Variants in SPATA18 observed in about 807,000 individuals in gnomAD.
SPATA18 encodes mitochondria-eating protein.
SPATA18 carries 54 observed loss-of-function variants against 68.1 expected under a neutral mutation model. The observed-to-expected ratio is 0.79, with a 90% CI of 0.64 to 0.99. SPATA18 has a LOEUF of 0.99. Among genes scored for constraint, SPATA18 ranks in the 50% least tolerant of loss-of-function variants. The probability of loss-of-function intolerance (pLI) is 0.00; values close to 1 mark genes in which losing one functional copy is unlikely to be tolerated. For synonymous variants in SPATA18, 242 were observed against 244.8 expected, an observed-to-expected ratio of 0.99 and a Z score of 0.11; for missense variants, 724 against 681.1, an observed-to-expected ratio of 1.06 and a Z score of -0.70.
chr4:52,069,133 C>T (rs193084190), intron 4 of SPATA18, among the ~76,000 whole-genome samples: 2 of 152,136 alleles, frequency 1.3e-5, no homozygotes, highest in Admixed American at 6.5e-5. Context: ...CTTCCCAAAG[C>T]GTTGGAATTA....
At chr4:52,085,915 C>T (rs961032921) in intron 11 of SPATA18, among the ~76,000 whole-genome samples, 1 of 151,840 alleles carries the variant, frequency 6.6e-6, no homozygotes, top group African/African-American at 2.4e-5. Context: ...CTGTCTTAAA[C>T]AAAAGAAAAC....
At chr4:52,058,590 C>G (rs1355850632) in intron 1 of SPATA18, among the ~76,000 whole-genome samples, 1 of 152,010 alleles carries the variant, frequency 6.6e-6, no homozygotes, top group Admixed American at 6.6e-5. Context: ...GTTCCCACTG[C>G]CTGGTAAGCT....
intron 1 of SPATA18, among the ~76,000 whole-genome samples, chr4:52,059,891 G>T (rs937342024): frequency 6.6e-6 from 1 of 152,152 alleles, no homozygotes; most frequent in Non-Finnish European, 1.5e-5. Context: ...CTTATAACAG[G>T]TCTATTTACT....
At chr4:52,060,736 C>A (rs1165402717) in intron 2 of SPATA18, 46 bp from the exon 3 acceptor site, 2 of 1,488,748 alleles carry the variant, frequency 1.3e-6, no homozygotes, top group Non-Finnish European at 9.4e-7. Flanking sequence ...TATACATGTG[C>A]CATGTTGGTG....
At position 52,083,559 on chromosome 4, in the gene SPATA18, A is replaced by G. The variant is rs568265965; in HGVS notation, c.1479+1049A>G. The G allele has an allele frequency of 1.4e-5, 11 of 780,764 alleles. No individual in the cohort carries two copies. In the African/African-American group the frequency reaches 2.1e-4, roughly 15 times the overall value. 48.4% of individuals were successfully genotyped at this position (780,764 alleles called of 1,614,324 possible). On this transcript the variant is annotated intron_variant, in intron 10 of 12. Coordinates refer to ENST00000295213, the MANE Select transcript of SPATA18 (RefSeq NM_145263.4). ...GAGGAGTTTGAGATGAGCCTGGGCA[A>G]CATAGCGAGACCTCATCTCTACAAA... is the stretch of plus-strand genomic sequence containing the variant.
At chr4:52,088,678 G>T (rs559198120) in intron 11 of SPATA18, among the ~76,000 whole-genome samples, 152 of 152,232 alleles carry the variant, frequency 1.0e-3, no homozygotes, top group African/African-American at 3.4e-3. Context: ...GCTGGATTCA[G>T]TTTGCCAGTA....
intron 5 of SPATA18, among the ~76,000 whole-genome samples, chr4:52,070,562 A>G (rs2613116): frequency 6.6e-6 from 1 of 151,282 alleles, no homozygotes; most frequent in African/African-American, 2.4e-5. Flanking sequence ...GAGGGATAGC[A>G]TTAGGAGATA....
chr4:52,056,567 A>G (rs1380737880), intron 1 of SPATA18, among the ~76,000 whole-genome samples: 1 of 152,112 alleles, frequency 6.6e-6, no homozygotes, highest in African/African-American at 2.4e-5. Context: ...TGACTTGTTC[A>G]AACCCAAACT....
intron 10 of SPATA18, chr4:52,083,612 G>T (rs1034027578): frequency 4.5e-5 from 16 of 357,420 alleles, no homozygotes; most frequent in East Asian, 1.7e-4. Context: ...GGGCATCGTG[G>T]TGCATACCTG....
chr4:52,086,067 T>G (rs1351891128), intron 11 of SPATA18, among the ~76,000 whole-genome samples: 1 of 152,152 alleles, frequency 6.6e-6, no homozygotes, highest in African/African-American at 2.4e-5. Context: ...TTCCTCCAAA[T>G]AATAATTATT....
intron 11 of SPATA18, among the ~76,000 whole-genome samples, chr4:52,094,063 C>T (rs1742211577): frequency 6.6e-6 from 1 of 152,124 alleles, no homozygotes; most frequent in African/African-American, 2.4e-5. Context: ...TTACGCCTGA[C>T]CGGCTATGTC....
rs1173071063 is a variant in SPATA18, at chr4:52,072,113, G to A, written c.715G>A (p.Glu239Lys). ...GAAACAGCTCCGAAACCTGAAGGAG[G>A]AGATAGCTGTTCTGTCTGCTGAGAA... The part of the protein sequence containing the change: ...YKKQLRNLKE[E>K]IAVLSAEKSA... Residue 239 changes from glutamate (E) to lysine (K), a missense_variant, in exon 6 of 13, where the codon GAG (glutamate) becomes AAG (lysine). Glu to Lys is a moderately conservative substitution (Grantham distance 56). Transcript: ENST00000295213. 1.2e-6 allele frequency: 2 copies of A among 1,614,086 alleles called. No individual in the cohort carries two copies. The highest frequency in any genetic ancestry group is 3.3e-5 in the Admixed American group (2 of 60,012).
At chr4:52,055,750 G>C (rs1027862653) in intron 1 of SPATA18, among the ~76,000 whole-genome samples, 4 of 152,228 alleles carry the variant, frequency 2.6e-5, no homozygotes, top group African/African-American at 9.6e-5. Flanking sequence ...TCAGGCAAAG[G>C]CTTTCCTGAA....
At chr4:52,089,926 T>TTG (rs1375553752) in intron 11 of SPATA18, among the ~76,000 whole-genome samples, 1 of 152,200 alleles carries the variant, frequency 6.6e-6, no homozygotes, top group Non-Finnish European at 1.5e-5. Flanking sequence ...ATAAGTCTCT[T>TTG]TGTAGGTCTC....
Position 52,095,804 on chromosome 4 carries a change from AG to A in SPATA18, c.*921del, listed in dbSNP as rs1262559863. 6.6e-6 allele frequency: 1 copy of A among 152,214 alleles called. No homozygotes were observed. Among genetic ancestry groups the A allele is most frequent in the African/African-American group, 2.4e-5 (1 of 41,464 alleles). The allele number at this position is 152,214 out of a possible 1,614,324, so 9.4% of individuals were successfully genotyped here. A position where few individuals can be genotyped will look rare whatever the true frequency, so the allele number is the denominator to read the frequency against. On this transcript the variant is annotated 3_prime_UTR_variant, in exon 13 of 13. Coordinates refer to ENST00000295213, the MANE Select transcript of SPATA18 (RefSeq NM_145263.4). ...CTACTTAAACTCAAGGCCCAAAACT[AG>A]GGGCACCATTTACTGATTTTAAATT...
chr4:52,083,502 C>G, intron 10 of SPATA18: 2 of 984,014 alleles, frequency 2.0e-6, no homozygotes, highest in Non-Finnish European at 2.4e-6. Flanking sequence ...GTAATCCTAG[C>G]ACTTTGGGAA....
chr4:52,083,349 A>G, intron 10 of SPATA18: 1 of 985,404 alleles, frequency 1.0e-6, no homozygotes, highest in Non-Finnish European at 1.2e-6. Context: ...TCACACATAC[A>G]GTGGAGAAGG....
At chr4:52,060,392 T>G in intron 1 of SPATA18, 27 bp from the exon 2 acceptor site, 1 of 1,595,528 alleles carries the variant, frequency 6.3e-7, no homozygotes. Context: ...GTAATTACCC[T>G]GGTTATCTAC....
At chr4:52,060,570 C>G (rs753161765) in intron 2 of SPATA18, 46 bp downstream of exon 2, 4 of 1,570,556 alleles carry the variant, frequency 2.5e-6, no homozygotes, top group Admixed American at 1.7e-5. Flanking sequence ...TTGCCTTTCT[C>G]TCTTTTCTTG....
Sources: allele counts gnomAD v4.1 joint callset (sites outside exome capture counted in the v4.1 genomes callset), GRCh38; gene constraint gnomAD v4.1.1; transcripts MANE v1.5; gene names NCBI Gene and HGNC (gene_info 2026-07-23, HGNC 2026-07-21).